The following GSG1L variants were observed in gnomAD, a reference collection of about 807,000 sequenced individuals.
The protein encoded by GSG1L is GSG1 like.
In GSG1L, 24 loss-of-function variants were observed where a neutral mutation model predicts 42.1. The observed-to-expected ratio is 0.57, with a 90% CI of 0.41 to 0.80. The LOEUF is 0.80. Ranked by LOEUF, GSG1L falls within the 30% of genes least tolerant of loss-of-function variation. The pLI, the probability that GSG1L is intolerant of heterozygous loss-of-function variation, is 0.00. For missense variants in GSG1L, 445 were observed against 472.2 expected (o/e 0.94, Z 0.53); for synonymous variants, 215 against 203.5 (o/e 1.06, Z -0.48).
chr16:28,002,798 G>A (rs1215785550), intron 1 of GSG1L, among the ~76,000 whole-genome samples: 1 of 150,630 alleles, frequency 6.6e-6, no homozygotes, highest in African/African-American at 2.4e-5. Flanking sequence ...TTAGCCAGGA[G>A]TGGTGGCGGG....
chr16:27,975,739 A>G (rs1195849220), intron 1 of GSG1L, among the ~76,000 whole-genome samples: 1 of 152,094 alleles, frequency 6.6e-6, no homozygotes, highest in Non-Finnish European at 1.5e-5. Context: ...CCCCAAAAGT[A>G]CACTTCTCTT....
chr16:27,996,350 C>T (rs954054119), intron 1 of GSG1L, among the ~76,000 whole-genome samples: 2 of 152,200 alleles, frequency 1.3e-5, no homozygotes, highest in African/African-American at 4.8e-5. Flanking sequence ...TTTCTTGGAA[C>T]TCATCTTACA....
chr16:28,063,303 T>C lies in GSG1L; in HGVS notation c.122A>G (p.Lys41Arg), dbSNP rs1199608817. The C allele has an allele frequency of 1.4e-6, 2 of 1,382,798 alleles. No individual in the cohort carries two copies. The highest frequency in any genetic ancestry group is 2.6e-5 in the Admixed American group (1 of 38,748). 85.7% of individuals were successfully genotyped at this position (1,382,798 alleles called of 1,614,324 possible). ...HWCQGTQRVP[K>R]PGCGQGGRAN... Reference sequence around the variant, plus strand: ...GCGCCCGCCCTGGCCGCAGCCCGGCTTGGGGACCCGCTGCGTGCCCTGGCA... The same window carrying C: ...GCGCCCGCCCTGGCCGCAGCCCGGCCTGGGGACCCGCTGCGTGCCCTGGCA... Residue 41 changes from lysine to arginine, a missense_variant, in exon 1 of 7, where the codon AAG (lysine) becomes AGG (arginine). This residue lies in a region of GSG1L where 156 missense variants were observed against 128.3 expected (regional missense o/e 1.22). Transcript: ENST00000447459. The surrounding 1 kb of genome is among the most constrained non-coding windows in gnomAD (Gnocchi z 5.8).
intron 2 of GSG1L, among the ~76,000 whole-genome samples, chr16:27,949,999 G>T (rs896803829): frequency 6.6e-6 from 1 of 152,148 alleles, no homozygotes; most frequent in Non-Finnish European, 1.5e-5. Flanking sequence ...CATAACACAG[G>T]CAGTGTGGTT....
chr16:27,967,647 C>G (rs541734572), intron 1 of GSG1L, among the ~76,000 whole-genome samples: 136 of 152,336 alleles, frequency 8.9e-4, no homozygotes, highest in African/African-American at 3.1e-3. Flanking sequence ...AAGTGTTGGT[C>G]AGGCACGGTG....
At chr16:27,791,704 C>T (rs2082755594) in intron 6 of GSG1L, among the ~76,000 whole-genome samples, 1 of 152,050 alleles carries the variant, frequency 6.6e-6, no homozygotes, top group Admixed American at 6.6e-5. Context: ...AGTCATGTAT[C>T]TGCCAATATT....
intron 4 of GSG1L, among the ~76,000 whole-genome samples, chr16:27,836,939 C>T (rs537876937): frequency 6.6e-6 from 1 of 152,312 alleles, no homozygotes; most frequent in Admixed American, 6.5e-5. Flanking sequence ...CTTGTTTAAA[C>T]TGTCTGCTCT....
chr16:27,802,018 G>A (rs2082888237), intron 6 of GSG1L, among the ~76,000 whole-genome samples: 2 of 152,074 alleles, frequency 1.3e-5, no homozygotes, highest in African/African-American at 4.8e-5. Context: ...TGGAGGTCCT[G>A]CCAAGGGGTA....
chr16:27,886,653 G>T (rs2084034448), intron 2 of GSG1L, among the ~76,000 whole-genome samples: 1 of 152,232 alleles, frequency 6.6e-6, no homozygotes, highest in African/African-American at 2.4e-5. Flanking sequence ...ACGAGGTCAA[G>T]GCTAGAGATA....
At chr16:27,995,567 A>G (rs1171821077) in intron 1 of GSG1L, among the ~76,000 whole-genome samples, 1 of 152,150 alleles carries the variant, frequency 6.6e-6, no homozygotes. Context: ...TAAAGACCAC[A>G]GGGACACACT....
intron 3 of GSG1L, among the ~76,000 whole-genome samples, chr16:27,856,044 C>T (rs2083573250): frequency 6.6e-6 from 1 of 152,134 alleles, no homozygotes; most frequent in Non-Finnish European, 1.5e-5. Flanking sequence ...TTCTAAACCT[C>T]AGCACTACTG....
At chr16:27,897,606 CT>C (rs1277564881) in intron 2 of GSG1L, among the ~76,000 whole-genome samples, 7 of 152,272 alleles carry the variant, frequency 4.6e-5, no homozygotes, top group African/African-American at 1.7e-4. Context: ...AGCCAACTTC[CT>C]TTCTTTGTTC....
Position 28,063,415 on chromosome 16 carries a change from T to G in GSG1L, c.10A>C (p.Ser4Arg). 7.7e-7 allele frequency: 1 copy of G among 1,299,584 alleles called. No homozygotes were observed. The highest frequency in any genetic ancestry group is 9.8e-7 in the Non-Finnish European group (1 of 1,017,210). 80.5% of individuals were successfully genotyped at this position (1,299,584 alleles called of 1,614,324 possible). The change falls in exon 1 of 7, where the codon AGC becomes CGC. Residue 4 changes from serine to arginine, a missense_variant. Physicochemically the swap from Ser to Arg is moderately radical, Grantham distance 110 (BLOSUM62 -1). Around this residue, in one of 3 missense-constraint regions of GSG1L, gnomAD observed 156 missense variants for 128.3 expected, o/e 1.22. Coordinates refer to ENST00000447459, the MANE Select transcript of GSG1L (RefSeq NM_001109763.2). This position sits in a 1 kb window ranked among gnomAD's most constrained non-coding sequence, Gnocchi z 5.8. MKT[S>R]RRGRALLAVA... The stretch of plus-strand genomic sequence containing the variant: ...GCCAGGAGCGCTCGGCCGCGGCGGC[T>G]AGTCTTCATGCCGCCCGCGCCGCCG...
chr16:28,033,791 A>G (rs963382865), intron 1 of GSG1L, among the ~76,000 whole-genome samples: 3 of 152,256 alleles, frequency 2.0e-5, no homozygotes, highest in Non-Finnish European at 4.4e-5. Flanking sequence ...ATTGATCATT[A>G]TTATGACTAT....
At chr16:28,010,524 T>G (rs1304183333) in intron 1 of GSG1L, among the ~76,000 whole-genome samples, 1 of 152,118 alleles carries the variant, frequency 6.6e-6, no homozygotes, top group Non-Finnish European at 1.5e-5. Flanking sequence ...AAAAGTGCTG[T>G]TCAATCTGGA....
chr16:28,040,591 T>C lies in GSG1L; in HGVS notation c.349+22485A>G, dbSNP rs1447159140. 6.6e-6 allele frequency among the ~76,000 whole-genome samples: 1 copy of C among 152,170 alleles called. No individual in the cohort carries two copies. Among genetic ancestry groups the C allele is most frequent in the Non-Finnish European group, 1.5e-5 (1 of 68,022 alleles). On this transcript the variant is annotated intron_variant, in intron 1 of 6. Coordinates refer to ENST00000447459, the MANE Select transcript of GSG1L (RefSeq NM_001109763.2). The surrounding 1 kb of genome is among the most constrained non-coding windows in gnomAD (Gnocchi z 4.1). The stretch of plus-strand genomic sequence containing the variant: ...AAAAAAAGTCTAATAAATGAACGAA[T>C]GAATGAAATGTCAAGGACGGATGCC...
chr16:28,040,513 A>G lies in GSG1L; in HGVS notation c.349+22563T>C, dbSNP rs1405881875. Among the ~76,000 whole-genome samples, 1 of 152,234 alleles carries G rather than the reference A, an allele frequency of 6.6e-6. No homozygotes were observed. Among genetic ancestry groups the G allele is most frequent in the Non-Finnish European group, 1.5e-5 (1 of 68,038 alleles). ...TCTTGTTCACCACTGTATTCTCAAC[A>G]TCAATAATAATAATAATAGAAAAAA... On this transcript the variant is annotated intron_variant, in intron 1 of 6. Transcript: ENST00000447459. This position sits in a 1 kb window ranked among gnomAD's most constrained non-coding sequence, Gnocchi z 4.1.
chr16:28,011,445 G>A (rs2141156318), intron 1 of GSG1L, among the ~76,000 whole-genome samples: 1 of 152,370 alleles, frequency 6.6e-6, no homozygotes, highest in Middle Eastern at 3.4e-3. Context: ...GGACAAAAGG[G>A]AGTGTGAGGA....
intron 4 of GSG1L, among the ~76,000 whole-genome samples, chr16:27,833,008 T>C (rs1338493700): frequency 6.6e-6 from 1 of 152,246 alleles, no homozygotes; most frequent in Non-Finnish European, 1.5e-5. Context: ...ATGTGTTTGA[T>C]ATCAAATATA....
Sources: gnomAD v4.1 joint callset for allele counts (sites outside exome capture counted in the v4.1 genomes callset) on GRCh38, gnomAD v4.1.1 for gene constraint, gnomAD v4.1.1 regional missense constraint, Gnocchi (gnomAD v3.1) non-coding constraint, MANE v1.5 for transcripts, NCBI Gene and HGNC (gene_info 2026-07-23, HGNC 2026-07-21) for gene names.